The following AOPEP variants were observed in gnomAD, a reference collection of about 807,000 sequenced individuals.
The protein encoded by AOPEP is aminopeptidase O.
Under a neutral mutation model 98.1 loss-of-function variants are expected in AOPEP, and 77 were observed. The ratio of observed to expected loss-of-function variants is 0.78; its 90% CI spans 0.65 to 0.95. The LOEUF (loss-of-function observed/expected upper bound fraction) is 0.95. Among genes scored for constraint, AOPEP ranks in the 40% least tolerant of loss-of-function variants. The pLI is 0.00. For synonymous variants in AOPEP, 346 were observed against 365.3 expected (o/e 0.95, Z 0.60); for missense variants, 1,024 against 1,024.7 (o/e 1.00, Z 0.01).
intron 11 of AOPEP, among the ~76,000 whole-genome samples, chr9:94,986,310 C>G (rs896400069): frequency 6.6e-6 from 1 of 152,174 alleles, no homozygotes; most frequent in Admixed American, 6.5e-5. Context: ...CTAATTTTAC[C>G]TTAATTTCCT....
intron 4 of AOPEP, among the ~76,000 whole-genome samples, chr9:94,800,148 C>T (rs1023891529): frequency 6.6e-6 from 1 of 152,138 alleles, no homozygotes; most frequent in Non-Finnish European, 1.5e-5. Context: ...AATACTGTAT[C>T]AAAAGTGCCT....
chr9:95,067,206 C>G (rs181072170), intron 14 of AOPEP, among the ~76,000 whole-genome samples: 537 of 152,170 alleles, frequency 3.5e-3, no homozygotes, highest in African/African-American at 0.012. Context: ...CCTCACAGCA[C>G]AGATAGGATG....
intron 14 of AOPEP, among the ~76,000 whole-genome samples, chr9:95,071,787 C>T (rs898172110): frequency 1.5e-4 from 23 of 152,218 alleles, no homozygotes; most frequent in Non-Finnish European, 2.9e-5. Context: ...TTCTGTAAGA[C>T]ACTGGTTTTC....
At chr9:95,005,516 G>A in intron 12 of AOPEP, 26 bp from the exon 13 acceptor site, 1 of 1,609,330 alleles carries the variant, frequency 6.2e-7, no homozygotes, top group Admixed American at 1.7e-5. Context: ...CGCCTTCTTT[G>A]AAATGCTGTG....
At chr9:95,140,236 T>A in the AOPEP span, among the ~76,000 whole-genome samples, 138 of 152,184 alleles carry the variant, frequency 9.1e-4, no homozygotes, top group Non-Finnish European at 1.7e-3. Context: ...AAATCTGATT[T>A]ACAGTGACAG....
chr9:94,776,718 T>G (rs1312932845), intron 3 of AOPEP, among the ~76,000 whole-genome samples: 3 of 152,266 alleles, frequency 2.0e-5, no homozygotes, highest in Non-Finnish European at 1.5e-5. Context: ...TACTCCATTA[T>G]CCTTCCGCAC....
At chr9:94,927,562 A>G (rs2054549258) in intron 6 of AOPEP, among the ~76,000 whole-genome samples, 1 of 152,182 alleles carries the variant, frequency 6.6e-6, no homozygotes, top group South Asian at 2.1e-4. Context: ...CCTGAGGATC[A>G]GTGCTGTCAC....
chr9:94,896,819 C>T (rs779825124), intron 5 of AOPEP, among the ~76,000 whole-genome samples: 3 of 151,190 alleles, frequency 2.0e-5, no homozygotes, highest in African/African-American at 4.9e-5. Flanking sequence ...CTAAGGAATT[C>T]GGAGTGAACT....
At position 94,908,400 on chromosome 9, in the gene AOPEP, T is replaced by C. The variant is rs1378259415; in HGVS notation, c.1365-15586T>C. Among the ~76,000 whole-genome samples, 3 of 152,188 alleles carry C rather than the reference T, an allele frequency of 2.0e-5. No individual in the cohort carries two copies. The East Asian group carries it at 5.8e-4, about 29-fold the overall frequency. ...TCACCAATAAAAGCGGAATGTTCAC[T>C]TTACACTATCTCCTGGGGGATTTGA... On this transcript the variant is annotated intron_variant, in intron 5 of 16. Coordinates refer to ENST00000375315, the MANE Select transcript of AOPEP (RefSeq NM_001193329.3).
chr9:94,884,739 C>T (rs1186613606), intron 5 of AOPEP, among the ~76,000 whole-genome samples: 1 of 152,042 alleles, frequency 6.6e-6, no homozygotes, highest in African/African-American at 2.4e-5. Flanking sequence ...TGGCCGGGCG[C>T]GGTGGCTCAC....
rs548458963 is a variant in AOPEP, at chr9:95,060,575, C to T, written c.2116-119C>T. The T allele has an allele frequency of 4.8e-5, 35 of 724,148 alleles. No homozygotes were observed. In the African/African-American group the frequency reaches 5.7e-4, roughly 12 times the overall value. 44.9% of individuals were successfully genotyped at this position (724,148 alleles called of 1,614,324 possible). ...TCAGCCGAACAGTCTTTCCATGTTG[C>T]CAATATATGCTGAAAGCACCCAGGT... On this transcript the variant is annotated intron_variant, in intron 13 of 16. Coordinates refer to ENST00000375315, the MANE Select transcript of AOPEP (RefSeq NM_001193329.3).
chr9:94,894,152 T>C (rs892082829), intron 5 of AOPEP, among the ~76,000 whole-genome samples: 2 of 152,084 alleles, frequency 1.3e-5, no homozygotes, highest in African/African-American at 2.4e-5. Context: ...CTAACATCAC[T>C]TCTGAGGTTA....
intron 13 of AOPEP, among the ~76,000 whole-genome samples, chr9:95,011,258 C>G (rs1007374351): frequency 4.1e-5 from 6 of 145,842 alleles, no homozygotes; most frequent in Admixed American, 3.5e-4. Context: ...ACTCTGTCCC[C>G]CAGGCTGGAG....
chr9:94,882,627 T>G (rs113023894), intron 5 of AOPEP, among the ~76,000 whole-genome samples: 4,390 of 152,182 alleles, frequency 0.029, 174 homozygotes, highest in African/African-American at 0.084. Flanking sequence ...AATACAAAAA[T>G]TAGCTGGATG....
chr9:94,897,169 T>A (rs894155827), intron 5 of AOPEP, among the ~76,000 whole-genome samples: 2 of 152,144 alleles, frequency 1.3e-5, no homozygotes, highest in African/African-American at 4.8e-5. Flanking sequence ...ATTATATTTC[T>A]ATCTAAAACA....
intron 5 of AOPEP, among the ~76,000 whole-genome samples, chr9:94,867,046 A>G (rs1403976205): frequency 6.6e-6 from 1 of 152,228 alleles, no homozygotes; most frequent in Admixed American, 6.5e-5. Flanking sequence ...TGCAGTGAAG[A>G]TGAGCTAATG....
chr9:95,070,207 C>T (rs1326902781), intron 14 of AOPEP, among the ~76,000 whole-genome samples: 8 of 152,056 alleles, frequency 5.3e-5, no homozygotes, highest in African/African-American at 1.2e-4. Flanking sequence ...CTGCAGAGGC[C>T]CCCCTTACCA....
intron 10 of AOPEP, among the ~76,000 whole-genome samples, chr9:94,974,614 C>A (rs1455670615): frequency 2.0e-5 from 3 of 152,180 alleles, no homozygotes; most frequent in Non-Finnish European, 4.4e-5. Context: ...AGAAATGTAA[C>A]CGAAGGGTTG....
intron 1 of AOPEP, among the ~76,000 whole-genome samples, chr9:94,740,198 C>G (rs1832755130): frequency 6.6e-6 from 1 of 151,978 alleles, no homozygotes; most frequent in African/African-American, 2.4e-5. Context: ...GAAGGATTGG[C>G]TAGTTTGAAT....
Sources: gnomAD v4.1 joint callset for allele counts (sites outside exome capture counted in the v4.1 genomes callset) on GRCh38, gnomAD v4.1.1 for gene constraint, MANE v1.5 for transcripts, NCBI Gene and HGNC (gene_info 2026-07-23, HGNC 2026-07-21) for gene names.